The following CHST12 variants were observed in gnomAD, a reference collection of about 807,000 sequenced individuals.
The protein encoded by CHST12 is carbohydrate (chondroitin 4) sulfotransferase 12.
In CHST12, 23 loss-of-function variants were observed where a neutral mutation model predicts 27.9. The observed-to-expected ratio is 0.82, with a 90% CI of 0.59 to 1.17. The LOEUF is 1.17. Ranked by LOEUF, CHST12 falls within the 50% of genes most tolerant of loss-of-function variation. The pLI is 0.00. For synonymous variants in CHST12, 322 were observed against 273.0 expected, an observed-to-expected ratio of 1.18 and a Z score of -1.77; for missense variants, 682 against 603.0, an observed-to-expected ratio of 1.13 and a Z score of -1.37.
intron 1 of CHST12, among the ~76,000 whole-genome samples, chr7:2,423,103 C>T (rs1200236798): frequency 6.6e-6 from 1 of 151,502 alleles, no homozygotes; most frequent in African/African-American, 2.4e-5. Flanking sequence ...TGGAGAAAGC[C>T]CCTCTCTACT....
intron 1 of CHST12, among the ~76,000 whole-genome samples, chr7:2,422,076 C>A (rs142036788): frequency 6.6e-6 from 1 of 152,112 alleles, no homozygotes; most frequent in Admixed American, 6.6e-5. Flanking sequence ...TTCTTAGGTA[C>A]AGAATTCGTG....
intron 1 of CHST12, among the ~76,000 whole-genome samples, chr7:2,410,658 T>C (rs1014138517): frequency 6.6e-6 from 1 of 152,064 alleles, no homozygotes; most frequent in Non-Finnish European, 1.5e-5. Flanking sequence ...AGCAGAGATC[T>C]GAAGGAAGCG....
intron 1 of CHST12, among the ~76,000 whole-genome samples, chr7:2,408,717 T>G (rs775479705): frequency 6.6e-6 from 1 of 152,068 alleles, no homozygotes; most frequent in Admixed American, 6.6e-5. Context: ...TCCTCATGCT[T>G]TAAGGAGGTG....
Position 2,432,626 on chromosome 7 carries a change from C to T in CHST12, c.-14C>T. 1 of 1,597,294 alleles carries T rather than the reference C, an allele frequency of 6.3e-7. No homozygotes were observed. Among genetic ancestry groups the T allele is most frequent in the Non-Finnish European group, 8.6e-7 (1 of 1,168,448 alleles). Reference sequence around the variant, plus strand: ...GTGAGAGGCCCGGAGAGGGCCCAGCCCGCCCGGGGCAGGATGACCAAGGCC... The same window carrying T: ...GTGAGAGGCCCGGAGAGGGCCCAGCTCGCCCGGGGCAGGATGACCAAGGCC... On this transcript the variant is annotated 5_prime_UTR_variant, in exon 2 of 2. Transcript: ENST00000618655.
intron 1 of CHST12, among the ~76,000 whole-genome samples, chr7:2,422,983 C>T (rs540613314): frequency 6.6e-6 from 1 of 151,046 alleles, no homozygotes; most frequent in Non-Finnish European, 1.5e-5. Flanking sequence ...TACTTAGGAT[C>T]TAGTTTTAAA....
rs549974534 is a variant in CHST12 at position 2,420,051 on chromosome 7, G to A, written c.-77-12512G>A. On this transcript the variant is annotated intron_variant, in intron 1 of 1. Transcript: ENST00000618655. The stretch of plus-strand genomic sequence containing the variant: ...TGCAGTGGCACGATCTCACCTCACT[G>A]TAAGCTCTGCCTCCCGGGTTCATGC... Among the ~76,000 whole-genome samples, 3 of 128,904 alleles carry A rather than the reference G, an allele frequency of 2.3e-5. No homozygotes were observed. In the East Asian group the frequency reaches 7.6e-4, roughly 33 times the overall value. 84.6% of individuals were successfully genotyped at this position (128,904 alleles called of 152,430 possible).
chr7:2,427,900 G>C (rs535984982), intron 1 of CHST12, among the ~76,000 whole-genome samples: 1 of 146,406 alleles, frequency 6.8e-6, no homozygotes, highest in Non-Finnish European at 1.5e-5. Flanking sequence ...CACTGCAACC[G>C]CCACCTCCCA....
Position 2,432,888 on chromosome 7 carries a change from T to C in CHST12, c.249T>C (p.Leu83=). 1 of 1,613,414 alleles carries C rather than the reference T, an allele frequency of 6.2e-7. No homozygotes were observed. Among genetic ancestry groups the C allele is most frequent in the South Asian group, 1.1e-5 (1 of 91,080 alleles). Residue 83 remains leucine (L), a synonymous_variant, in exon 2 of 2, where the codon CTT becomes CTC. Transcript: ENST00000618655. ...FLSAGVKQSD[L]PRKETEQPPA... ...GTGCTGGCGTGAAGCAGAGCGACCTTCCCAGAAAGGAGACGGAGCAGCCGC... is the reference window on the plus strand; with the variant it reads ...GTGCTGGCGTGAAGCAGAGCGACCTCCCCAGAAAGGAGACGGAGCAGCCGC...
At chr7:2,427,258 C>T (rs139577595) in intron 1 of CHST12, among the ~76,000 whole-genome samples, 137 of 152,106 alleles carry the variant, frequency 9.0e-4, no homozygotes, top group African/African-American at 3.1e-3. Context: ...TAGCACTTTG[C>T]GAGGCCGAGG....
chr7:2,411,214 C>T (rs1781655454), intron 1 of CHST12, among the ~76,000 whole-genome samples: 1 of 152,078 alleles, frequency 6.6e-6, no homozygotes, highest in Admixed American at 6.6e-5. Context: ...TCCTGAGTAG[C>T]TGGGACTACA....
chr7:2,412,883 A>G (rs568706701), intron 1 of CHST12, among the ~76,000 whole-genome samples: 2 of 149,912 alleles, frequency 1.3e-5, no homozygotes, highest in South Asian at 2.1e-4. Flanking sequence ...TTTAAAATCA[A>G]TTTGCAAATA....
At position 2,433,936 on chromosome 7, in the gene CHST12, T is replaced by G; in HGVS notation, c.*52T>G. 6.7e-7 allele frequency: 1 copy of G among 1,492,440 alleles called. No homozygotes were observed. The highest frequency in any genetic ancestry group is 9.0e-7 in the Non-Finnish European group (1 of 1,110,584). 92.4% of individuals were successfully genotyped at this position (1,492,440 alleles called of 1,614,324 possible). A position where few individuals can be genotyped will look rare whatever the true frequency, so the allele number is the denominator to read the frequency against. On this transcript the variant is annotated 3_prime_UTR_variant, in exon 2 of 2. Transcript: ENST00000618655. The surrounding 1 kb of genome is among the most constrained non-coding windows in gnomAD (Gnocchi z 6.1). ...TGCCTGGAACCTGACGCACGCGCAC[T>G]CCAGTTTTTTTATGACCTACGATTT... is the stretch of plus-strand genomic sequence containing the variant.
At chr7:2,424,487 G>T (rs1782054767) in intron 1 of CHST12, among the ~76,000 whole-genome samples, 1 of 152,152 alleles carries the variant, frequency 6.6e-6, no homozygotes, top group Non-Finnish European at 1.5e-5. Context: ...CTAGTCCAGT[G>T]CGTGAGAGGC....
At chr7:2,403,598 T>A (rs1583202195), upstream of CHST12, 1 of 146,990 alleles carries the variant, frequency 6.8e-6, no homozygotes, top group Non-Finnish European at 1.5e-5. Context: ...GGGCTGCCTC[T>A]GGGGGGTCCG....
chr7:2,426,749 T>G (rs531205386), intron 1 of CHST12, among the ~76,000 whole-genome samples: 1 of 151,956 alleles, frequency 6.6e-6, no homozygotes, highest in South Asian at 2.1e-4. Flanking sequence ...CCCAGCACTT[T>G]GGAGGCCGAG....
At chr7:2,428,939 G>GT (rs1782202920) in intron 1 of CHST12, among the ~76,000 whole-genome samples, 1 of 152,134 alleles carries the variant, frequency 6.6e-6, no homozygotes, top group Admixed American at 6.5e-5. Context: ...AGATGAGGGC[G>GT]TTTATAGCAC....
intron 1 of CHST12, among the ~76,000 whole-genome samples, chr7:2,426,755 C>T (rs774882916): frequency 1.3e-5 from 2 of 151,854 alleles, no homozygotes; most frequent in Non-Finnish European, 2.9e-5. Context: ...ACTTTGGAGG[C>T]CGAGGAAGGT....
At chr7:2,429,975 G>T (rs1218176347) in intron 1 of CHST12, among the ~76,000 whole-genome samples, 2 of 151,950 alleles carry the variant, frequency 1.3e-5, no homozygotes, top group African/African-American at 4.8e-5. Context: ...TAGGGATGGG[G>T]TTTTGCCATG....
rs919318120 is a variant in CHST12 at position 2,442,981 on chromosome 7, G to C, written c.*9097G>C. On this transcript the variant is annotated 3_prime_UTR_variant, in exon 2 of 2. Coordinates refer to ENST00000618655, the MANE Select transcript of CHST12 (RefSeq NM_018641.5). Reference sequence around the variant, plus strand: ...CTTTCGCCTAGGCTGGAGTGCAGTGGCATGATCTCGGCTCACTGCAACCCC... The same window carrying C: ...CTTTCGCCTAGGCTGGAGTGCAGTGCCATGATCTCGGCTCACTGCAACCCC... 3.3e-5 allele frequency: 5 copies of C among 152,208 alleles called. No individual in the cohort carries two copies. The highest frequency in any genetic ancestry group is 1.2e-4 in the African/African-American group (5 of 41,512). The allele number at this position is 152,208 out of a possible 1,614,324, so 9.4% of individuals were successfully genotyped here.
Sources: gnomAD v4.1 joint callset for allele counts (sites outside exome capture counted in the v4.1 genomes callset) on GRCh38, gnomAD v4.1.1 for gene constraint, Gnocchi (gnomAD v3.1) non-coding constraint, MANE v1.5 for transcripts, NCBI Gene and HGNC (gene_info 2026-07-23, HGNC 2026-07-21) for gene names.